The following MRTFA variants were observed in gnomAD, a reference collection of about 807,000 sequenced individuals.
The protein encoded by MRTFA is myocardin related transcription factor A.
MRTFA carries 20 observed loss-of-function variants against 83.5 expected under a neutral mutation model. The observed-to-expected ratio is 0.24, with a 90% CI of 0.17 to 0.35. The LOEUF (loss-of-function observed/expected upper bound fraction) is 0.35. MRTFA is among the 10% of genes least tolerant of loss of function. The probability of loss-of-function intolerance (pLI) is 1.00; values close to 1 mark genes in which losing one functional copy is unlikely to be tolerated. For missense variants in MRTFA, 1,200 were observed against 1,224.7 expected (o/e 0.98, Z 0.30); for synonymous variants, 659 against 541.2 (o/e 1.22, Z -3.02).
chr22:40,411,286 G>C lies in MRTFA; in HGVS notation c.*104C>G. On this transcript the variant is annotated 3_prime_UTR_variant, in exon 15 of 15. Coordinates refer to ENST00000355630, the MANE Select transcript of MRTFA (RefSeq NM_020831.6). ...AAGGGAAAAAGCAGGGGCTGTGATT[G>C]TCAAGACTCACAACCATGTGGAGAG... 8.0e-7 allele frequency: 1 copy of C among 1,256,486 alleles called. No homozygotes were observed. Among genetic ancestry groups the C allele is most frequent in the Non-Finnish European group, 1.1e-6 (1 of 917,154 alleles). 77.8% of individuals were successfully genotyped at this position (1,256,486 alleles called of 1,614,324 possible). A position where few individuals can be genotyped will look rare whatever the true frequency, so the allele number is the denominator to read the frequency against.
rs949571397 is a variant in MRTFA, at chr22:40,561,999, G to A, written c.-21-9632C>T. On this transcript the variant is annotated intron_variant, in intron 2 of 14. Coordinates refer to ENST00000355630, the MANE Select transcript of MRTFA (RefSeq NM_020831.6). ...AAAGAGGTCTCATCAGGTGGATCACGAGGTCAGGAGCTCGAGACCATCCTA... is the reference window on the plus strand; with the variant it reads ...AAAGAGGTCTCATCAGGTGGATCACAAGGTCAGGAGCTCGAGACCATCCTA... 3.3e-5 allele frequency among the ~76,000 whole-genome samples: 5 copies of A among 152,124 alleles called. No homozygotes were observed. In the South Asian group the frequency reaches 1.0e-3, roughly 32 times the overall value.
chr22:40,579,330 C>A (rs948167733), intron 2 of MRTFA, among the ~76,000 whole-genome samples: 1 of 152,148 alleles, frequency 6.6e-6, no homozygotes, highest in Non-Finnish European at 1.5e-5. Flanking sequence ...CTCCAAGAAG[C>A]TTGTCAAAAG....
In MRTFA at chr22:40,569,770, TA is replaced by T. The variant is rs1569333173; in HGVS notation, c.-21-17404del. 5.0e-3 allele frequency: 646 copies of T among 129,800 alleles called. 3 individuals are homozygous for T. Among genetic ancestry groups the T allele is most frequent in the African/African-American group, 1.0e-2 (346 of 34,642 alleles). 8.0% of individuals were successfully genotyped at this position (129,800 alleles called of 1,614,324 possible). On this transcript the variant is annotated intron_variant, in intron 2 of 14. Coordinates refer to ENST00000355630, the MANE Select transcript of MRTFA (RefSeq NM_020831.6). ...ATACATACATACATACATACATACATACATACATCAAGGGGGTGATGTCTCT... is the reference window on the plus strand; with the variant it reads ...ATACATACATACATACATACATACATCATACATCAAGGGGGTGATGTCTCT...
At chr22:40,471,890 A>G (rs1271119379) in intron 3 of MRTFA, among the ~76,000 whole-genome samples, 1 of 152,240 alleles carries the variant, frequency 6.6e-6, no homozygotes, top group African/African-American at 2.4e-5. Context: ...ATTAAAAATT[A>G]AAAAGAATAC....
intron 1 of MRTFA, among the ~76,000 whole-genome samples, chr22:40,622,290 G>T (rs2056532721): frequency 6.6e-6 from 1 of 151,896 alleles, no homozygotes; most frequent in Non-Finnish European, 1.5e-5. Context: ...GACCAGCCCG[G>T]CCAAGATGGT....
chr22:40,476,138 C>T (rs1184306115), intron 3 of MRTFA, among the ~76,000 whole-genome samples: 2 of 143,358 alleles, frequency 1.4e-5, no homozygotes, highest in South Asian at 2.4e-4. Context: ...AGCAAGACTC[C>T]GTCTCAAAAA....
chr22:40,574,659 C>T (rs984421073), intron 2 of MRTFA, among the ~76,000 whole-genome samples: 2 of 152,002 alleles, frequency 1.3e-5, no homozygotes, highest in African/African-American at 4.8e-5. Context: ...GTCTCCAACA[C>T]CTGGCCTCAA....
intron 3 of MRTFA, among the ~76,000 whole-genome samples, chr22:40,510,723 C>T (rs2054653441): frequency 1.3e-5 from 2 of 152,066 alleles, no homozygotes; most frequent in South Asian, 2.1e-4. Flanking sequence ...AACAATCAGT[C>T]TTTGGTGGTA....
chr22:40,539,500 G>A (rs1270451100), intron 3 of MRTFA, among the ~76,000 whole-genome samples: 3 of 134,752 alleles, frequency 2.2e-5, no homozygotes, highest in Non-Finnish European at 5.1e-5. Flanking sequence ...CACCATGCCC[G>A]GCTAATTTTT....
intron 4 of MRTFA, among the ~76,000 whole-genome samples, chr22:40,444,343 C>T (rs2053336002): frequency 6.6e-6 from 1 of 152,082 alleles, no homozygotes; most frequent in African/African-American, 2.4e-5. Context: ...CATTGTGTCA[C>T]AGAAGTGATG....
At chr22:40,509,903 G>A (rs186887227) in intron 3 of MRTFA, among the ~76,000 whole-genome samples, 292 of 141,136 alleles carry the variant, frequency 2.1e-3, no homozygotes, top group African/African-American at 6.8e-3. Context: ...CTCCCTCAGA[G>A]GGAGGAACAA....
chr22:40,451,973 T>C (rs11704080), intron 4 of MRTFA, among the ~76,000 whole-genome samples: 2 of 32,538 alleles, frequency 6.1e-5, no homozygotes, highest in Admixed American at 4.8e-4. Flanking sequence ...TTTTTTTTTT[T>C]GGTTTTTTTT....
At chr22:40,446,948 C>T (rs376968419) in intron 4 of MRTFA, among the ~76,000 whole-genome samples, 21 of 152,132 alleles carry the variant, frequency 1.4e-4, no homozygotes, top group African/African-American at 5.1e-4. Flanking sequence ...ATAAAACAAA[C>T]ATGTAACACA....
At position 40,486,880 on chromosome 22, in the gene MRTFA, G is replaced by A. The variant is rs5757964; in HGVS notation, c.242-23594C>T. ...CCCAGCTACTTGGGGGACTAAGGCGGGAGGATCACTTGAGCCTAGGGGGTC... is the reference window on the plus strand; with the variant it reads ...CCCAGCTACTTGGGGGACTAAGGCGAGAGGATCACTTGAGCCTAGGGGGTC... On this transcript the variant is annotated intron_variant, in intron 3 of 14. Transcript: ENST00000355630. 7.9e-4 allele frequency among the ~76,000 whole-genome samples: 120 copies of A among 152,332 alleles called. 1 individual carries two copies. In the East Asian group the frequency reaches 0.018, roughly 23 times the overall value.
At chr22:40,445,527 G>GT (rs111369048) in intron 4 of MRTFA, among the ~76,000 whole-genome samples, 47 of 151,014 alleles carry the variant, frequency 3.1e-4, no homozygotes, top group East Asian at 1.2e-3. Flanking sequence ...AAGCCAAGGG[G>GT]TTTTTTTTTG....
At chr22:40,463,307 A>T (rs1348478766) in intron 3 of MRTFA, 21 bp from the exon 4 acceptor site, 2 of 1,606,224 alleles carry the variant, frequency 1.2e-6, no homozygotes, top group African/African-American at 1.3e-5. Flanking sequence ...GCAGAGAGAG[A>T]GGAGAGATGA....
intron 3 of MRTFA, chr22:40,526,468 C>T (rs953529723): frequency 6.6e-6 from 1 of 152,082 alleles, no homozygotes; most frequent in East Asian, 1.9e-4. Flanking sequence ...TCAGGGACAA[C>T]AAACAAAGCC....
chr22:40,417,972 TGAG>T (rs1417602294), intron 12 of MRTFA, among the ~76,000 whole-genome samples: 1 of 152,112 alleles, frequency 6.6e-6, no homozygotes, highest in African/African-American at 2.4e-5. Context: ...CTAGCCTCTC[TGAG>T]GAGAGGACCC....
intron 1 of MRTFA, among the ~76,000 whole-genome samples, chr22:40,609,788 G>A (rs1168564616): frequency 2.0e-5 from 3 of 151,162 alleles, no homozygotes; most frequent in East Asian, 4.0e-4. Flanking sequence ...TCGAGACTGC[G>A]CCACTGCACT....
Sources: allele counts gnomAD v4.1 joint callset (sites outside exome capture counted in the v4.1 genomes callset), GRCh38; gene constraint gnomAD v4.1.1; transcripts MANE v1.5; gene names NCBI Gene and HGNC (gene_info 2026-07-23, HGNC 2026-07-21).